STEEP1: variants seen among roughly 807,000 people sequenced by gnomAD.
STEEP1 encodes the protein STING ER exit protein.
STEEP1 carries 3 observed loss-of-function variants against 19.2 expected under a neutral mutation model. That is an observed-to-expected ratio of 0.16 (90% confidence interval 0.07 to 0.40). The LOEUF is 0.40. Ranked by LOEUF, STEEP1 falls within the 10% of genes least tolerant of loss-of-function variation. The pLI is 0.99. For missense variants in STEEP1, 54 were observed against 177.1 expected (o/e 0.30, Z 3.94); for synonymous variants, 46 against 63.7 (o/e 0.72, Z 1.32).
At chrX:119,545,149 T>A (rs2053192823) in intron 3 of STEEP1, among the ~76,000 whole-genome samples, 1 of 105,069 alleles carries the variant, frequency 9.5e-6, no homozygotes, top group Non-Finnish European at 2.0e-5. Flanking sequence ...AGGTCAGGAG[T>A]TCGAGACCAG....
At chrX:119,561,563 G>A (rs1169919697) in intron 1 of STEEP1, among the ~76,000 whole-genome samples, 1 of 110,361 alleles carries the variant, frequency 9.1e-6, no homozygotes, top group Non-Finnish European at 1.9e-5. Context: ...AGCTAGTTGG[G>A]AAGCTGAGGC....
chrX:119,563,559 A>T (rs1405724141), intron 1 of STEEP1, among the ~76,000 whole-genome samples: 1 of 106,392 alleles, frequency 9.4e-6, no homozygotes, highest in Non-Finnish European at 1.9e-5. Flanking sequence ...AAAAAAAAAA[A>T]GAAAAAAAAA....
chrX:119,552,037 G>A (rs2053246182), intron 2 of STEEP1, among the ~76,000 whole-genome samples: 1 of 109,443 alleles, frequency 9.1e-6, no homozygotes, highest in South Asian at 4.0e-4. Flanking sequence ...AGGACTACAG[G>A]TGCGCACCAC....
chrX:119,553,059 T>A (rs779109307), intron 2 of STEEP1, among the ~76,000 whole-genome samples: 5 of 104,995 alleles, frequency 4.8e-5, no homozygotes, highest in Non-Finnish European at 9.7e-5. Context: ...GAGGCTGAGG[T>A]GGAAGAATTA....
intron 3 of STEEP1, 85 bp downstream of exon 3, chrX:119,545,377 GA>G: frequency 1.7e-6 from 1 of 595,547 alleles, no homozygotes; most frequent in South Asian, 2.4e-5. Context: ...AGACATAATG[GA>G]GAGTTGTATC....
In STEEP1 at chrX:119,565,088, T is replaced by A. The variant is rs1370348042; in HGVS notation, c.124+144A>T. The A allele has an allele frequency of 2.3e-5, 22 of 956,339 alleles. 1 individual carries two copies. The South Asian group carries it at 6.8e-4, about 30-fold the overall frequency. The allele number at this position is 956,339 out of a possible 1,213,427, so 78.8% of individuals were successfully genotyped here. On this transcript the variant is annotated intron_variant, in intron 1 of 6. Coordinates refer to ENST00000644802, the MANE Select transcript of STEEP1 (RefSeq NM_022101.4). ...AAAATGCCCTGGAGTGGGGCGGGGA[T>A]GCGTAGGGAGGATTTAGTCGGAGAG... is the stretch of plus-strand genomic sequence containing the variant.
At chrX:119,563,463 G>T (rs1353255766) in intron 1 of STEEP1, among the ~76,000 whole-genome samples, 1 of 108,936 alleles carries the variant, frequency 9.2e-6, no homozygotes, top group Non-Finnish European at 1.9e-5. Context: ...CAGGAGAATC[G>T]CTTGAACCTG....
rs147510862 is a variant in STEEP1, at chrX:119,564,459, G to A, written c.124+773C>T. Among the ~76,000 whole-genome samples the A allele has an allele frequency of 2.9e-3, 259 of 88,263 alleles. 1 individual carries two copies. Among genetic ancestry groups the A allele is most frequent in the African/African-American group, 0.011 (250 of 23,431 alleles). The allele number at this position is 88,263 out of a possible 115,157, so 76.6% of individuals were successfully genotyped here. On this transcript the variant is annotated intron_variant, in intron 1 of 6. Transcript: ENST00000644802. ...TGCAGTGAGCCGAGATTGCACCACTGCACTCCAGCCTGGGCAGCAGAGTGA... is the reference window on the plus strand; with the variant it reads ...TGCAGTGAGCCGAGATTGCACCACTACACTCCAGCCTGGGCAGCAGAGTGA...
Position 119,539,404 on chromosome X carries a change from GC to G in STEEP1, c.*322del, listed in dbSNP as rs1032403737. On this transcript the variant is annotated 3_prime_UTR_variant, in exon 7 of 7. Coordinates refer to ENST00000644802, the MANE Select transcript of STEEP1 (RefSeq NM_022101.4). Reference sequence around the variant, plus strand: ...AAATTAGCCAGGCGTGGTGGCACATGCCTGTAATCCCAGCTACTCAGGAGGC... The same window carrying G: ...AAATTAGCCAGGCGTGGTGGCACATGCTGTAATCCCAGCTACTCAGGAGGC... 1 of 146,901 alleles carries G rather than the reference GC, an allele frequency of 6.8e-6. No individual in the cohort carries two copies. The highest frequency in any genetic ancestry group is 3.2e-5 in the African/African-American group (1 of 31,552). The allele number at this position is 146,901 out of a possible 1,213,427, so 12.1% of individuals were successfully genotyped here.
At chrX:119,563,788 T>C (rs1463096517) in intron 1 of STEEP1, among the ~76,000 whole-genome samples, 1 of 111,680 alleles carries the variant, frequency 9.0e-6, no homozygotes, top group Non-Finnish European at 1.9e-5. Context: ...CCTGCAGGAT[T>C]TCCTGATGGA....
rs753997822 is a variant in STEEP1 at position 119,542,608 on chromosome X, CAAG to C, written c.424-17_424-15del. The stretch of plus-strand genomic sequence containing the variant: ...GGTCATCATCACCTGGAGTGGCAGG[CAAG>C]AAGAAGTCAGTCCGGTTCACCAAAA... On this transcript the variant is annotated splice_polypyrimidine_tract_variant and intron_variant, in intron 4 of 6. Transcript: ENST00000644802. The C allele has an allele frequency of 6.5e-5, 76 of 1,167,774 alleles. No individual in the cohort carries two copies. Among genetic ancestry groups the C allele is most frequent in the Middle Eastern group, 4.7e-4 (2 of 4,259 alleles).
chrX:119,565,133 G>A, intron 1 of STEEP1, 99 bp downstream of exon 1: 3 of 1,105,745 alleles, frequency 2.7e-6, no homozygotes, highest in Non-Finnish European at 3.6e-6. Flanking sequence ...ACCAATCTTC[G>A]TTGAGAAGTG....
chrX:119,561,178 G>A (rs1483451912), intron 1 of STEEP1, among the ~76,000 whole-genome samples: 3 of 109,109 alleles, frequency 2.7e-5, no homozygotes, highest in African/African-American at 1.0e-4. Context: ...GGTGGAGGTT[G>A]CAGTGAGCCA....
chrX:119,545,449 T>C lies in STEEP1; in HGVS notation c.284+14A>G. The C allele has an allele frequency of 8.8e-7, 1 of 1,142,151 alleles. No individual in the cohort carries two copies. Among genetic ancestry groups the C allele is most frequent in the Non-Finnish European group, 1.2e-6 (1 of 833,637 alleles). The allele number at this position is 1,142,151 out of a possible 1,213,427, so 94.1% of individuals were successfully genotyped here. ...TTGCCTATGCTTGGAGAAACCCACA[T>C]TGTTAATACTTACTTTGCACATTTC... On this transcript the variant is annotated intron_variant, in intron 3 of 6. Transcript: ENST00000644802.
At position 119,565,323 on chromosome X, in the gene STEEP1, G is replaced by A; in HGVS notation, c.33C>T (p.Cys11=). 1.7e-6 allele frequency: 2 copies of A among 1,208,331 alleles called. No individual in the cohort carries two copies. Among genetic ancestry groups the A allele is most frequent in the Non-Finnish European group, 2.2e-6 (2 of 892,909 alleles). The change falls in exon 1 of 7, where the codon TGC becomes TGT. Residue 11 remains cysteine (C), a synonymous_variant. Coordinates refer to ENST00000644802, the MANE Select transcript of STEEP1 (RefSeq NM_022101.4). MPKVVSRSVV[C]SDTRDREEYD... ...ATTCCTCCCGGTCCCGAGTGTCAGAGCAGACTACTGACCGAGACACTACTT... is the reference window on the plus strand; with the variant it reads ...ATTCCTCCCGGTCCCGAGTGTCAGAACAGACTACTGACCGAGACACTACTT...
chrX:119,546,365 T>C (rs1450188579), intron 2 of STEEP1, among the ~76,000 whole-genome samples: 2 of 101,273 alleles, frequency 2.0e-5, no homozygotes, highest in Admixed American at 1.2e-4. Flanking sequence ...CACCTGAACC[T>C]GGAAGGCAGA....
intron 2 of STEEP1, among the ~76,000 whole-genome samples, chrX:119,554,514 T>C (rs887222301): frequency 7.2e-5 from 8 of 111,625 alleles, no homozygotes; most frequent in Non-Finnish European, 9.4e-5. Context: ...TCCTTGTCCC[T>C]GGTACTAACA....
At chrX:119,548,898 G>A (rs922703559) in intron 2 of STEEP1, among the ~76,000 whole-genome samples, 3 of 112,134 alleles carry the variant, frequency 2.7e-5, no homozygotes, top group Admixed American at 9.6e-5. Flanking sequence ...TCAGCCTTAT[G>A]AAAAGAAGGA....
At chrX:119,563,928 G>A (rs1396526586) in intron 1 of STEEP1, among the ~76,000 whole-genome samples, 1 of 111,336 alleles carries the variant, frequency 9.0e-6, no homozygotes, top group Non-Finnish European at 1.9e-5. Flanking sequence ...TTGGAGAGGG[G>A]GTGTAGAGGG....
Sources: gnomAD v4.1 joint callset for allele counts (sites outside exome capture counted in the v4.1 genomes callset) on GRCh38, gnomAD v4.1.1 for gene constraint, MANE v1.5 for transcripts, NCBI Gene and HGNC (gene_info 2026-07-23, HGNC 2026-07-21) for gene names.